The following HDAC9 variants were observed in gnomAD, a reference collection of about 807,000 sequenced individuals.
HDAC9 encodes the protein histone deacetylase 9.
In HDAC9, 41 loss-of-function variants were observed where a neutral mutation model predicts 139.4. The observed-to-expected ratio is 0.29, with a 90% CI of 0.23 to 0.38. The LOEUF (loss-of-function observed/expected upper bound fraction) is 0.38. Ranked by LOEUF, HDAC9 falls within the 10% of genes least tolerant of loss-of-function variation. The pLI is 1.00. For synonymous variants in HDAC9, 517 were observed against 476.2 expected, an observed-to-expected ratio of 1.09 and a Z score of -1.12; for missense variants, 1,147 against 1,297.0, an observed-to-expected ratio of 0.88 and a Z score of 1.78.
intron 2 of HDAC9, among the ~76,000 whole-genome samples, chr7:18,559,769 A>T (rs150954669): frequency 6.6e-6 from 1 of 152,230 alleles, no homozygotes; most frequent in Non-Finnish European, 1.5e-5. Flanking sequence ...CTTTGGGAAT[A>T]TAACTTTTTC....
chr7:18,234,387 A>G (rs1186010785), intron 2 of HDAC9, among the ~76,000 whole-genome samples: 2 of 152,220 alleles, frequency 1.3e-5, no homozygotes, highest in Non-Finnish European at 2.9e-5. Context: ...TAGGTAGGCT[A>G]GAGTGGCCAA....
intron 2 of HDAC9, among the ~76,000 whole-genome samples, chr7:18,231,670 G>C (rs1454680832): frequency 6.6e-6 from 1 of 152,192 alleles, no homozygotes; most frequent in Non-Finnish European, 1.5e-5. Context: ...TATGGGATGT[G>C]AAGGACCAGA....
In HDAC9 at chr7:18,583,057, G is replaced by C. The variant is rs1828313515; in HGVS notation, c.23-2224G>C. ...GCATTCTTTTATTTGTTTTGATCTA[G>C]ATGTTTTAGTATTTTTATTTTCTAA... is the stretch of plus-strand genomic sequence containing the variant. On this transcript the variant is annotated intron_variant, in intron 2 of 25. Transcript: ENST00000686413. 2.0e-5 allele frequency among the ~76,000 whole-genome samples: 3 copies of C among 152,164 alleles called. No homozygotes were observed. The South Asian group carries it at 6.2e-4, about 32-fold the overall frequency.
intron 2 of HDAC9, among the ~76,000 whole-genome samples, chr7:18,557,916 G>T (rs1270798994): frequency 6.6e-6 from 1 of 151,824 alleles, no homozygotes; most frequent in East Asian, 1.9e-4. Context: ...GAACTTGAAA[G>T]AATCTAGCAT....
At chr7:18,607,335 A>G (rs1040915186) in intron 6 of HDAC9, among the ~76,000 whole-genome samples, 1 of 152,240 alleles carries the variant, frequency 6.6e-6, no homozygotes, top group Non-Finnish European at 1.5e-5. Flanking sequence ...AAATAATTTC[A>G]TGGCTTGGCA....
At chr7:18,977,798 A>G (rs1784637542) in intron 25 of HDAC9, among the ~76,000 whole-genome samples, 1 of 152,092 alleles carries the variant, frequency 6.6e-6, no homozygotes, top group Admixed American at 6.6e-5. Flanking sequence ...TTTGCTTGAA[A>G]TATTTCTGAT....
intron 1 of HDAC9, among the ~76,000 whole-genome samples, chr7:18,117,867 T>A (rs1481628096): frequency 6.6e-6 from 1 of 152,196 alleles, no homozygotes; most frequent in African/African-American, 2.4e-5. Context: ...ATGGAGAGAA[T>A]GAAGAGTCAG....
chr7:18,956,061 C>G (rs1396649179), intron 24 of HDAC9, among the ~76,000 whole-genome samples: 1 of 152,092 alleles, frequency 6.6e-6, no homozygotes, highest in East Asian at 1.9e-4. Flanking sequence ...ACAGTCTGCT[C>G]TAGCCAAGCA....
chr7:18,191,594 T>G (rs972789398), intron 2 of HDAC9, among the ~76,000 whole-genome samples: 1 of 152,222 alleles, frequency 6.6e-6, no homozygotes, highest in Admixed American at 6.5e-5. Context: ...GTTAATGGTG[T>G]TTGTTTTTCC....
At chr7:18,639,509 A>G (rs1181900078) in intron 8 of HDAC9, among the ~76,000 whole-genome samples, 3 of 152,024 alleles carry the variant, frequency 2.0e-5, no homozygotes, top group Admixed American at 6.6e-5. Flanking sequence ...TCACCATTTT[A>G]TAGTAACACC....
intron 2 of HDAC9, among the ~76,000 whole-genome samples, chr7:18,173,639 G>A (rs1788635925): frequency 6.6e-6 from 1 of 152,166 alleles, no homozygotes; most frequent in South Asian, 2.1e-4. Flanking sequence ...CTCTTGTAAG[G>A]TAGGCCAGGT....
At chr7:18,270,435 T>G (rs1796282852) in intron 2 of HDAC9, among the ~76,000 whole-genome samples, 1 of 152,098 alleles carries the variant, frequency 6.6e-6, no homozygotes, top group Non-Finnish European at 1.5e-5. Context: ...AAGCAAAAGC[T>G]CAGAAAAACT....
At chr7:18,383,805 C>T (rs1442164355) in intron 1 of HDAC9, among the ~76,000 whole-genome samples, 1 of 150,352 alleles carries the variant, frequency 6.7e-6, no homozygotes, top group African/African-American at 2.4e-5. Context: ...AGGAGAATGG[C>T]GTGAACCCGG....
chr7:18,756,665 A>T (rs1270274259), intron 14 of HDAC9, among the ~76,000 whole-genome samples: 2 of 152,236 alleles, frequency 1.3e-5, no homozygotes, highest in South Asian at 2.1e-4. Flanking sequence ...ATTTAGTCAA[A>T]CATCTTTATG....
chr7:18,292,762 A>G (rs921332395), intron 1 of HDAC9, among the ~76,000 whole-genome samples: 5 of 152,158 alleles, frequency 3.3e-5, no homozygotes, highest in African/African-American at 9.7e-5. Flanking sequence ...ACAAATGATA[A>G]ACATTGATGC....
chr7:18,907,889 T>C (rs1055487051), intron 22 of HDAC9, among the ~76,000 whole-genome samples: 5 of 152,208 alleles, frequency 3.3e-5, no homozygotes, highest in Non-Finnish European at 5.9e-5. Context: ...ATTAAATTTA[T>C]ACCTCTGGTA....
At chr7:18,551,406 A>G (rs1349671552) in intron 2 of HDAC9, among the ~76,000 whole-genome samples, 2 of 152,164 alleles carry the variant, frequency 1.3e-5, no homozygotes, top group Admixed American at 6.5e-5. Flanking sequence ...GAGGTTACCG[A>G]GGAAGTGACT....
At chr7:18,534,344 C>T (rs1586760833) in intron 2 of HDAC9, among the ~76,000 whole-genome samples, 1 of 152,112 alleles carries the variant, frequency 6.6e-6, no homozygotes, top group East Asian at 1.9e-4. Flanking sequence ...TGTTTGAGAC[C>T]AGCCTGGACA....
intron 11 of HDAC9, among the ~76,000 whole-genome samples, chr7:18,649,062 A>G (rs991587871): frequency 6.6e-6 from 1 of 152,210 alleles, no homozygotes; most frequent in African/African-American, 2.4e-5. Context: ...GTGATGACAG[A>G]TAGGCCAAGA....
Sources: allele counts gnomAD v4.1 joint callset (sites outside exome capture counted in the v4.1 genomes callset), GRCh38; gene constraint gnomAD v4.1.1; transcripts MANE v1.5; gene names NCBI Gene and HGNC (gene_info 2026-07-23, HGNC 2026-07-21).